ARHGAP35: variants seen among roughly 807,000 people sequenced by gnomAD.
ARHGAP35 encodes rho GTPase-activating protein 35.
In ARHGAP35, 15 loss-of-function variants were observed where a neutral mutation model predicts 111.1. That is an observed-to-expected ratio of 0.13 (90% CI 0.09 to 0.21). ARHGAP35 has a LOEUF of 0.21. Among genes scored for constraint, ARHGAP35 ranks in the 10% least tolerant of loss-of-function variants. The pLI is 1.00. For synonymous variants in ARHGAP35, 643 were observed against 710.3 expected (o/e 0.91, Z 1.51); for missense variants, 1,262 against 1,873.0 (o/e 0.67, Z 6.02).
chr19:46,876,573 A>G (rs1311551055), intron 1 of ARHGAP35, among the ~76,000 whole-genome samples: 1 of 151,862 alleles, frequency 6.6e-6, no homozygotes, highest in Non-Finnish European at 1.5e-5. Context: ...GGGTTTCACC[A>G]TATTGGCCAG....
chr19:46,869,477 T>C (rs1462577028), intron 1 of ARHGAP35, among the ~76,000 whole-genome samples: 2 of 40,238 alleles, frequency 5.0e-5, no homozygotes, highest in East Asian at 1.5e-3. Context: ...GAAAAAAAAT[T>C]GTGTGTGTGT....
chr19:47,000,442 G>A lies in ARHGAP35; in HGVS notation c.4254G>A (p.Thr1418=), dbSNP rs540181216. ...DFSTMDALTA[T]RTYQTIIELF... ...GCACTATGGACGCCCTCACAGCCAC[G>A]CGCACCTACCAGACAATCATTGAAC... The change falls in exon 7 of 7, where the codon ACG becomes ACA. Residue 1418 remains threonine, a synonymous_variant. Transcript: ENST00000672722. This position sits in a 1 kb window ranked among gnomAD's most constrained non-coding sequence, Gnocchi z 6.9. The A allele has an allele frequency of 1.1e-5, 18 of 1,613,470 alleles. No individual in the cohort carries two copies. The highest frequency in any genetic ancestry group is 1.1e-4 in the East Asian group (5 of 44,856).
At position 47,000,447 on chromosome 19, in the gene ARHGAP35, C is replaced by G. The variant is rs776583812; in HGVS notation, c.4259C>G (p.Thr1420Ser). Residue 1420 changes from threonine to serine, a missense_variant, in exon 7 of 7, where the codon ACC (threonine) becomes AGC (serine). By Grantham distance (58) the Thr-to-Ser change is moderately conservative (BLOSUM62 1). Transcript: ENST00000672722. The surrounding 1 kb of genome is among the most constrained non-coding windows in gnomAD (Gnocchi z 6.9). ...STMDALTATR[T>S]YQTIIELFIQ... ...ATGGACGCCCTCACAGCCACGCGCA[C>G]CTACCAGACAATCATTGAACTCTTT... 1 of 1,613,926 alleles carries G rather than the reference C, an allele frequency of 6.2e-7. No individual in the cohort carries two copies. Among genetic ancestry groups the G allele is most frequent in the South Asian group, 1.1e-5 (1 of 91,076 alleles).
chr19:46,879,184 C>T (rs959613999), intron 1 of ARHGAP35, among the ~76,000 whole-genome samples: 2 of 152,146 alleles, frequency 1.3e-5, no homozygotes, highest in Non-Finnish European at 1.5e-5. Flanking sequence ...GGGCCAGGCA[C>T]GGTGGCTTAA....
chr19:46,870,592 A>T (rs971403708), intron 1 of ARHGAP35, among the ~76,000 whole-genome samples: 18 of 152,078 alleles, frequency 1.2e-4, no homozygotes, highest in African/African-American at 4.3e-4. Flanking sequence ...GAAAAAAAAA[A>T]AATTTCTTCC....
At chr19:46,861,809 C>A (rs979696145) in intron 1 of ARHGAP35, among the ~76,000 whole-genome samples, 1 of 152,098 alleles carries the variant, frequency 6.6e-6, no homozygotes, top group Non-Finnish European at 1.5e-5. Context: ...CCCTTTAGGA[C>A]CTGCGGTTCC....
chr19:46,912,514 C>T (rs149278067), intron 1 of ARHGAP35, among the ~76,000 whole-genome samples: 288 of 152,178 alleles, frequency 1.9e-3, no homozygotes, highest in African/African-American at 6.6e-3. Flanking sequence ...CCACCTCGCC[C>T]AGCTAATTTT....
chr19:46,919,461 T>G lies in ARHGAP35; in HGVS notation c.786T>G (p.Ala262=), dbSNP rs760921552. The change falls in exon 2 of 7, where the codon GCT becomes GCG. Residue 262 remains alanine (A), a synonymous_variant. Coordinates refer to ENST00000672722, the MANE Select transcript of ARHGAP35 (RefSeq NM_004491.5). This position sits in a 1 kb window ranked among gnomAD's most constrained non-coding sequence, Gnocchi z 6.2. ...GKTKIIPYFE[A]LKQQSQQIAT... ...CAAAAATCATTCCTTATTTTGAAGC[T>G]CTCAAGCAGCAGAGTCAGCAGATAG... The G allele has an allele frequency of 6.2e-7, 1 of 1,613,918 alleles. No homozygotes were observed. Among genetic ancestry groups the G allele is most frequent in the South Asian group, 1.1e-5 (1 of 91,078 alleles).
At chr19:46,896,645 G>A (rs1282406472) in intron 1 of ARHGAP35, among the ~76,000 whole-genome samples, 3 of 152,114 alleles carry the variant, frequency 2.0e-5, no homozygotes, top group South Asian at 2.1e-4. Context: ...GTTAAGCCAC[G>A]TGTGTGGGCC....
chr19:46,951,167 C>G (rs549417964), intron 3 of ARHGAP35, among the ~76,000 whole-genome samples: 35 of 152,334 alleles, frequency 2.3e-4, no homozygotes, highest in African/African-American at 8.4e-4. Flanking sequence ...GCTCATTTGC[C>G]TGGGTAAATG....
intron 3 of ARHGAP35, among the ~76,000 whole-genome samples, chr19:46,954,657 T>C (rs1043204171): frequency 6.6e-6 from 1 of 152,264 alleles, no homozygotes; most frequent in African/African-American, 2.4e-5. Context: ...TTGCGTTCTT[T>C]CACTCTTGGC....
chr19:46,879,144 A>G (rs1279637169), intron 1 of ARHGAP35, among the ~76,000 whole-genome samples: 1 of 152,212 alleles, frequency 6.6e-6, no homozygotes, highest in Non-Finnish European at 1.5e-5. Context: ...CCTCACCAGG[A>G]GTAGATTCCA....
chr19:46,871,907 A>G (rs2122121671), intron 1 of ARHGAP35, among the ~76,000 whole-genome samples: 1 of 151,976 alleles, frequency 6.6e-6, no homozygotes, highest in African/African-American at 2.4e-5. Flanking sequence ...ATGAACCCAG[A>G]AGACAGAGGT....
chr19:46,957,377 G>A (rs2056445719), intron 3 of ARHGAP35, among the ~76,000 whole-genome samples: 1 of 152,110 alleles, frequency 6.6e-6, no homozygotes. Flanking sequence ...GCTTCTGGAG[G>A]CCGAGGCAGG....
At chr19:46,903,517 G>T (rs1158815957) in intron 1 of ARHGAP35, among the ~76,000 whole-genome samples, 1 of 152,150 alleles carries the variant, frequency 6.6e-6, no homozygotes, top group Non-Finnish European at 1.5e-5. Flanking sequence ...GTTACCTAAT[G>T]TATGCTTTTG....
In ARHGAP35 at chr19:46,919,984, A is replaced by C. The variant is rs375314964; in HGVS notation, c.1309A>C (p.Lys437Gln). The C allele has an allele frequency of 6.2e-6, 10 of 1,613,884 alleles. No individual in the cohort carries two copies. The African/African-American group carries it at 1.2e-4, about 19-fold the overall frequency. The change falls in exon 2 of 7, where the codon AAA becomes CAA. Residue 437 changes from lysine to glutamine, a missense_variant. Around this residue, in one of 8 missense-constraint regions of ARHGAP35, gnomAD observed 328 missense variants for 440.8 expected, o/e 0.74. Transcript: ENST00000672722. The surrounding 1 kb of genome is among the most constrained non-coding windows in gnomAD (Gnocchi z 6.2). ...AAGAGTTGAGATGCGAAGGGCGTTTAAAGAAAACCTGGAGACTTCTCCTTT... is the reference window on the plus strand; with the variant it reads ...AAGAGTTGAGATGCGAAGGGCGTTTCAAGAAAACCTGGAGACTTCTCCTTT... ...RKRVEMRRAFKENLETSPFIT... is the reference protein window; with the variant it reads ...RKRVEMRRAFQENLETSPFIT...
chr19:46,891,755 A>G (rs1488130258), intron 1 of ARHGAP35, among the ~76,000 whole-genome samples: 1 of 152,100 alleles, frequency 6.6e-6, no homozygotes, highest in Admixed American at 6.5e-5. Context: ...AGGGTTCCTG[A>G]ATTTTTTGTG....
intron 1 of ARHGAP35, among the ~76,000 whole-genome samples, chr19:46,892,302 CAA>C (rs1211422406): frequency 1.3e-4 from 8 of 63,720 alleles, no homozygotes; most frequent in Admixed American, 1.9e-4. Context: ...GACTTTGTCT[CAA>C]AAAAAAAAAA....
At chr19:46,865,945 A>C (rs1259381462) in intron 1 of ARHGAP35, among the ~76,000 whole-genome samples, 2 of 152,096 alleles carry the variant, frequency 1.3e-5, no homozygotes, top group East Asian at 3.9e-4. Context: ...GGTTCAAGCG[A>C]TTCTTCTGTG....
Sources: allele counts gnomAD v4.1 joint callset (sites outside exome capture counted in the v4.1 genomes callset), GRCh38; gene constraint gnomAD v4.1.1; regional missense constraint gnomAD v4.1.1; non-coding constraint Gnocchi (gnomAD v3.1); transcripts MANE v1.5; gene names NCBI Gene and HGNC (gene_info 2026-07-23, HGNC 2026-07-21).